CUX1: variants seen among roughly 807,000 people sequenced by gnomAD.
CUX1 encodes the protein protein CASP.
CUX1 carries 31 observed loss-of-function variants against 158.8 expected under a neutral mutation model. That is an observed-to-expected ratio of 0.20 (90% CI 0.15 to 0.26). The LOEUF (loss-of-function observed/expected upper bound fraction) is 0.26. Ranked by LOEUF, CUX1 falls within the 10% of genes least tolerant of loss-of-function variation. The pLI, the probability that CUX1 is intolerant of heterozygous loss-of-function variation, is 1.00. For synonymous variants in CUX1, 879 were observed against 862.1 expected (o/e 1.02, Z -0.34); for missense variants, 1,589 against 2,014.6 (o/e 0.79, Z 4.04).
intron 20 of CUX1, among the ~76,000 whole-genome samples, chr7:102,208,433 G>A (rs908984519): frequency 3.9e-5 from 6 of 152,212 alleles, no homozygotes; most frequent in Non-Finnish European, 8.8e-5. Context: ...TAGAGACGGG[G>A]TTTCGCCCTG....
At chr7:101,884,974 C>T (rs1433769795) in intron 1 of CUX1, among the ~76,000 whole-genome samples, 2 of 152,180 alleles carry the variant, frequency 1.3e-5, no homozygotes, top group Non-Finnish European at 2.9e-5. Context: ...TTTTCATTTC[C>T]TCGCTGGGTT....
chr7:102,251,232 CT>C lies in CUX1; in HGVS notation c.*2200del, dbSNP rs535433695. 7.0e-3 allele frequency: 4,898 copies of C among 698,864 alleles called. 55 individuals are homozygous for C. Among genetic ancestry groups the C allele is most frequent in the African/African-American group, 0.064 (2,576 of 40,072 alleles). The allele number at this position is 698,864 out of a possible 1,614,324, so 43.3% of individuals were successfully genotyped here. ...TATTTCTTAAGTTTAATTAATATTA[CT>C]TTTTTTTTTATTTGGGGGGTGGGAG... On this transcript the variant is annotated 3_prime_UTR_variant, in exon 24 of 24. Transcript: ENST00000292535.
chr7:102,221,057 C>T (rs1273334106), intron 20 of CUX1, among the ~76,000 whole-genome samples: 2 of 152,130 alleles, frequency 1.3e-5, no homozygotes, highest in Admixed American at 1.3e-4. Flanking sequence ...CACCTCCCCT[C>T]TCCCCTCTCC....
intron 8 of CUX1, 21 bp from the exon 9 acceptor site, chr7:102,158,539 C>T (rs199948555): frequency 1.9e-6 from 3 of 1,613,904 alleles, no homozygotes; most frequent in Admixed American, 1.7e-5. Flanking sequence ...CTAACCTGCT[C>T]TCTCCCTCTC....
intron 1 of CUX1, among the ~76,000 whole-genome samples, chr7:101,840,222 A>G (rs1259186009): frequency 6.6e-6 from 1 of 152,208 alleles, no homozygotes; most frequent in Non-Finnish European, 1.5e-5. Flanking sequence ...AATATATGCA[A>G]AATAATGCAA....
intron 8 of CUX1, among the ~76,000 whole-genome samples, chr7:102,142,685 A>C (rs1834595440): frequency 6.6e-6 from 1 of 151,662 alleles, no homozygotes; most frequent in African/African-American, 2.4e-5. Context: ...TATTCAGGGG[A>C]TCGAGACAGG....
In CUX1 at chr7:102,227,681, T is replaced by C. The variant is rs1554529157; in HGVS notation, c.3433+12T>C. ...GGACAACAACCTCGGTAGGTTCTCCTCTCGGCTGCTGAGTCAGGAGGTGGC... is the reference window on the plus strand; with the variant it reads ...GGACAACAACCTCGGTAGGTTCTCCCCTCGGCTGCTGAGTCAGGAGGTGGC... On this transcript the variant is annotated intron_variant, in intron 21 of 23. Transcript: ENST00000292535. 1.3e-6 allele frequency: 2 copies of C among 1,599,206 alleles called. No individual in the cohort carries two copies. The highest frequency in any genetic ancestry group is 2.2e-5 in the South Asian group (2 of 89,794).
At chr7:102,037,062 C>CA (rs1287484157) in intron 3 of CUX1, among the ~76,000 whole-genome samples, 10 of 152,054 alleles carry the variant, frequency 6.6e-5, no homozygotes, top group Non-Finnish European at 1.2e-4. Flanking sequence ...TGTGATGGCA[C>CA]ACGCCTGTAG....
intron 3 of CUX1, among the ~76,000 whole-genome samples, chr7:102,044,364 A>C (rs1288475279): frequency 6.6e-6 from 1 of 150,652 alleles, no homozygotes; most frequent in Non-Finnish European, 1.5e-5. Context: ...AAATTTTTGT[A>C]TTTTTAGTAG....
At chr7:101,883,133 T>C (rs1216402418) in intron 1 of CUX1, among the ~76,000 whole-genome samples, 1 of 152,172 alleles carries the variant, frequency 6.6e-6, no homozygotes, top group Non-Finnish European at 1.5e-5. Context: ...GGATGTTTGC[T>C]CATTTCGTCA....
intron 3 of CUX1, among the ~76,000 whole-genome samples, chr7:102,047,258 G>A (rs922626170): frequency 1.4e-4 from 21 of 151,974 alleles, no homozygotes; most frequent in African/African-American, 5.1e-4. Context: ...GGATGGATTG[G>A]TGGATGAATG....
upstream of CUX1, chr7:101,817,553 G>C: frequency 7.6e-7 from 1 of 1,308,536 alleles, no homozygotes; most frequent in South Asian, 2.1e-5. The surrounding 1 kb of genome is among the most constrained non-coding windows in gnomAD (Gnocchi z 4.1). Context: ...CCCCCGCCCG[G>C]AGGAGCGGCG....
chr7:102,237,581 G>A (rs530440935), intron 22 of CUX1, among the ~76,000 whole-genome samples: 5 of 152,256 alleles, frequency 3.3e-5, no homozygotes, highest in African/African-American at 9.6e-5. Context: ...CACGCCCGGC[G>A]ATGTCCTTCA....
chr7:101,983,598 T>TG (rs1241742462), intron 2 of CUX1, among the ~76,000 whole-genome samples: 1 of 152,188 alleles, frequency 6.6e-6, no homozygotes, highest in Non-Finnish European at 1.5e-5. Context: ...ACAAGAAGCA[T>TG]GACGCCAGCA....
intron 1 of CUX1, among the ~76,000 whole-genome samples, chr7:101,823,484 C>A (rs1013443611): frequency 2.0e-5 from 3 of 152,196 alleles, no homozygotes; most frequent in Non-Finnish European, 4.4e-5. Context: ...CCCTGGCCGA[C>A]TCCATCAGCC....
intron 3 of CUX1, among the ~76,000 whole-genome samples, chr7:102,048,988 T>A (rs1823162183): frequency 6.6e-6 from 1 of 152,036 alleles, no homozygotes; most frequent in African/African-American, 2.4e-5. Context: ...TCCTGAGCCT[T>A]CTAAGTCCAG....
At chr7:101,997,135 G>A (rs953745986) in intron 2 of CUX1, among the ~76,000 whole-genome samples, 8 of 152,048 alleles carry the variant, frequency 5.3e-5, no homozygotes, top group African/African-American at 1.7e-4. Flanking sequence ...TCAGCACGCC[G>A]ATCTGGACCT....
In CUX1 at chr7:102,257,021, G is replaced by A. The variant is rs1554542273; in HGVS notation, c.*7979G>A. The A allele has an allele frequency of 1.0e-6, 1 of 985,420 alleles. No individual in the cohort carries two copies. The highest frequency in any genetic ancestry group is 4.7e-5 in the South Asian group (1 of 21,274). 61.0% of individuals were successfully genotyped at this position (985,420 alleles called of 1,614,324 possible). A position where few individuals can be genotyped will look rare whatever the true frequency, so the allele number is the denominator to read the frequency against. Reference sequence around the variant, plus strand: ...AGGTGGTTCAACGTGGAGGAAGGTTGGGTGTGGAGATTGCTTGCTGTGGCC... The same window carrying A: ...AGGTGGTTCAACGTGGAGGAAGGTTAGGTGTGGAGATTGCTTGCTGTGGCC... On this transcript the variant is annotated 3_prime_UTR_variant, in exon 24 of 24. Coordinates refer to ENST00000292535, the MANE Select transcript of CUX1 (RefSeq NM_181552.4).
chr7:101,837,350 G>A (rs1346856446), intron 1 of CUX1, among the ~76,000 whole-genome samples: 1 of 152,180 alleles, frequency 6.6e-6, no homozygotes, highest in African/African-American at 2.4e-5. Flanking sequence ...AAATTGGCGG[G>A]TTCCATACGT....
Sources: allele counts gnomAD v4.1 joint callset (sites outside exome capture counted in the v4.1 genomes callset), GRCh38; gene constraint gnomAD v4.1.1; non-coding constraint Gnocchi (gnomAD v3.1); transcripts MANE v1.5; gene names NCBI Gene and HGNC (gene_info 2026-07-23, HGNC 2026-07-21).